Variants in FHAD1 observed in about 807,000 individuals in gnomAD.
The protein encoded by FHAD1 is forkhead-associated domain-containing protein 1.
FHAD1 carries 146 observed loss-of-function variants against 191.3 expected under a neutral mutation model. That is an observed-to-expected ratio of 0.76 (90% CI 0.67 to 0.88). The LOEUF (loss-of-function observed/expected upper bound fraction) is 0.88. FHAD1 is among the 40% of genes least tolerant of loss of function. FHAD1 has a pLI of 0.00. For missense variants in FHAD1, 1,635 were observed against 1,785.8 expected (o/e 0.92, Z 1.52); for synonymous variants, 616 against 672.3 (o/e 0.92, Z 1.29).
At chr1:15,265,927 C>T (rs1314940932) in intron 2 of FHAD1, among the ~76,000 whole-genome samples, 2 of 140,004 alleles carry the variant, frequency 1.4e-5, no homozygotes, top group African/African-American at 5.5e-5. Flanking sequence ...GCCAGGATTG[C>T]ACCACTGCAC....
chr1:15,387,399 T>C (rs1379056541), intron 31 of FHAD1, among the ~76,000 whole-genome samples: 3 of 152,052 alleles, frequency 2.0e-5, no homozygotes, highest in Non-Finnish European at 4.4e-5. Flanking sequence ...CTCACCAGAA[T>C]GGAAAAGTAA....
chr1:15,330,909 G>A (rs1681029487), intron 14 of FHAD1, among the ~76,000 whole-genome samples: 1 of 152,120 alleles, frequency 6.6e-6, no homozygotes, highest in Non-Finnish European at 1.5e-5. Context: ...CCTGGAGGGT[G>A]GGCAGCATGG....
At position 15,293,546 on chromosome 1, in the gene FHAD1, C is replaced by T. The variant is rs147439091; in HGVS notation, c.569-3138C>T. On this transcript the variant is annotated intron_variant, in intron 4 of 33. Coordinates refer to ENST00000688493, the MANE Select transcript of FHAD1 (RefSeq NM_001391957.1). ...CAGCCTGACTAACATGGTGAAACCC[C>T]ATCTCTACTAAAAATACAAAAATTA... Among the ~76,000 whole-genome samples the T allele has an allele frequency of 5.8e-3, 877 of 152,180 alleles. 3 individuals are homozygous for T. The highest frequency in any genetic ancestry group is 8.1e-3 in the Non-Finnish European group (550 of 68,000).
intron 15 of FHAD1, among the ~76,000 whole-genome samples, chr1:15,340,658 T>C (rs536958114): frequency 5.5e-4 from 83 of 152,110 alleles, no homozygotes; most frequent in Non-Finnish European, 9.4e-4. Context: ...CACTGCAAGT[T>C]ACATAGCCCT....
rs190868573 is a variant in FHAD1, at chr1:15,303,394, C to T, written c.915+1953C>T. Among the ~76,000 whole-genome samples, 139 of 152,336 alleles carry T rather than the reference C, an allele frequency of 9.1e-4. 1 individual carries two copies. Among genetic ancestry groups the T allele is most frequent in the Middle Eastern group, 3.4e-3 (1 of 294 alleles). ...TCTCCATCTTTTTCAGTAACTCTCC[C>T]ATTTCAGAGCTTTCCTGCACTAAGT... On this transcript the variant is annotated intron_variant, in intron 6 of 33. Coordinates refer to ENST00000688493, the MANE Select transcript of FHAD1 (RefSeq NM_001391957.1).
intron 3 of FHAD1, among the ~76,000 whole-genome samples, chr1:15,277,738 T>G (rs1046077938): frequency 6.6e-6 from 1 of 152,188 alleles, no homozygotes; most frequent in Admixed American, 6.5e-5. Context: ...CAGTTTCAGA[T>G]AGGGGCTTCC....
chr1:15,261,465 G>A (rs1386693663), intron 2 of FHAD1, among the ~76,000 whole-genome samples: 7 of 152,160 alleles, frequency 4.6e-5, no homozygotes, highest in East Asian at 1.9e-4. Flanking sequence ...CTTTCGAGCC[G>A]TCAGTGCACC....
At chr1:15,243,143 A>G (rs916196472), upstream of FHAD1, among the ~76,000 whole-genome samples, 1 of 152,234 alleles carries the variant, frequency 6.6e-6, no homozygotes, top group Non-Finnish European at 1.5e-5. Context: ...AAGAGTCGAC[A>G]TGAGACGAAG....
At chr1:15,298,543 G>T (rs1001156119) in intron 5 of FHAD1, among the ~76,000 whole-genome samples, 1 of 152,174 alleles carries the variant, frequency 6.6e-6, no homozygotes, top group African/African-American at 2.4e-5. Context: ...CTTCTTCATA[G>T]CAGTGCAGTG....
chr1:15,365,319 G>C (rs1296237577), intron 23 of FHAD1, among the ~76,000 whole-genome samples: 2 of 151,792 alleles, frequency 1.3e-5, no homozygotes, highest in East Asian at 3.9e-4. Flanking sequence ...CTATCTCAGT[G>C]GATTTTCTTT....
At chr1:15,348,110 G>A (rs896129441) in intron 18 of FHAD1, among the ~76,000 whole-genome samples, 5 of 152,216 alleles carry the variant, frequency 3.3e-5, no homozygotes, top group Admixed American at 6.5e-5. Flanking sequence ...CCAAATAAAC[G>A]TGAAATTCTT....
chr1:15,243,699 C>T (rs1477409834), upstream of FHAD1, among the ~76,000 whole-genome samples: 1 of 152,238 alleles, frequency 6.6e-6, no homozygotes, highest in Non-Finnish European at 1.5e-5. Flanking sequence ...GGGTGGCAGG[C>T]CTAAGCTGCC....
At chr1:15,390,846 G>A (rs1338256912) in intron 32 of FHAD1, among the ~76,000 whole-genome samples, 1 of 152,206 alleles carries the variant, frequency 6.6e-6, no homozygotes, top group African/African-American at 2.4e-5. Flanking sequence ...GGCATCTGCA[G>A]CCCCTTCCAC....
chr1:15,388,756 A>G (rs1400074183), intron 32 of FHAD1, among the ~76,000 whole-genome samples: 2 of 152,066 alleles, frequency 1.3e-5, no homozygotes, highest in Non-Finnish European at 2.9e-5. Flanking sequence ...ATGAGATACA[A>G]TGGATGGATG....
chr1:15,330,053 C>CA (rs1158978689), intron 14 of FHAD1: 1 of 154,126 alleles, frequency 6.5e-6, no homozygotes, highest in African/African-American at 2.4e-5. Flanking sequence ...AAAATAGTGT[C>CA]ACGTTACCCT....
At chr1:15,322,729 G>T (rs1356138701) in intron 10 of FHAD1, among the ~76,000 whole-genome samples, 2 of 152,166 alleles carry the variant, frequency 1.3e-5, no homozygotes. Context: ...CCCACCACTT[G>T]GTAACCCTCT....
chr1:15,284,710 C>T (rs1424569038), intron 3 of FHAD1, among the ~76,000 whole-genome samples: 2 of 151,956 alleles, frequency 1.3e-5, no homozygotes, highest in Non-Finnish European at 1.5e-5. Flanking sequence ...GGAGATCATC[C>T]GGAAACAATG....
chr1:15,328,041 AAAAAAAG>A (rs1679539998), intron 12 of FHAD1: 13 of 256,102 alleles, frequency 5.1e-5, no homozygotes, highest in Non-Finnish European at 8.0e-5. Context: ...CGCAAAAAAA[AAAAAAAG>A]AAAAGAAAAA....
chr1:15,244,367 C>T (rs1483221819), upstream of FHAD1, among the ~76,000 whole-genome samples: 3 of 152,174 alleles, frequency 2.0e-5, no homozygotes, highest in African/African-American at 7.2e-5. This position sits in a 1 kb window ranked among gnomAD's most constrained non-coding sequence, Gnocchi z 5.1. Context: ...CTAACAGCAA[C>T]AGATGATCTC....
Sources: allele counts gnomAD v4.1 joint callset (sites outside exome capture counted in the v4.1 genomes callset), GRCh38; gene constraint gnomAD v4.1.1; non-coding constraint Gnocchi (gnomAD v3.1); transcripts MANE v1.5; gene names NCBI Gene and HGNC (gene_info 2026-07-23, HGNC 2026-07-21).